TMEM237: variants seen among roughly 807,000 people sequenced by gnomAD.
TMEM237 encodes the protein transmembrane protein 237, also known as amyotrophic lateral sclerosis 2 (juvenile) chromosome region, candidate 4.
A neutral mutation model predicts 59.1 loss-of-function variants in TMEM237; 51 were observed. The observed-to-expected ratio is 0.86, with a 90% confidence interval of 0.69 to 1.09. The LOEUF (loss-of-function observed/expected upper bound fraction) is 1.09. Among genes scored for constraint, TMEM237 ranks in the 50% least tolerant of loss-of-function variants. The probability of loss-of-function intolerance (pLI) is 0.00; values close to 1 mark genes in which losing one functional copy is unlikely to be tolerated. For synonymous variants in TMEM237, 140 were observed against 166.1 expected, an observed-to-expected ratio of 0.84 and a Z score of 1.21; for missense variants, 475 against 478.3, an observed-to-expected ratio of 0.99 and a Z score of 0.06.
rs35942565 is a variant in TMEM237 at position 201,627,080 on chromosome 2, GA to G, written c.1037+240del. On this transcript the variant is annotated intron_variant, in intron 11 of 12. Transcript: ENST00000409883. ...GGGTGACACAGCGAGACTCTATCTCGAAAAAAAAAAAAACTATAACTTGAAG... is the reference window on the plus strand; with the variant it reads ...GGGTGACACAGCGAGACTCTATCTCGAAAAAAAAAAAACTATAACTTGAAG... Among the ~76,000 whole-genome samples, 59,742 of 143,580 alleles carry G rather than the reference GA, an allele frequency of 0.42. 12,253 individuals carry two copies. The highest frequency in any genetic ancestry group is 0.69 in the East Asian group (3,486 of 5,022). The allele number at this position is 143,580 out of a possible 152,430, so 94.2% of individuals were successfully genotyped here.
Position 201,640,264 on chromosome 2 carries a change from G to C in TMEM237, c.76C>G (p.Gln26Glu). ...TATTTACATTAAACTAACTCACCTT[G>C]ACTAACACGTCATATAACACCAAAC... Reference protein sequence around the residue: ...PPRALPPVPSQDDIPLSRPKK... With the variant: ...PPRALPPVPSEDDIPLSRPKK... Residue 26 changes from glutamine (Q) to glutamate (E), a missense_variant and splice_region_variant, in exon 3 of 13, where the codon CAA becomes GAA. By Grantham distance (29) the Gln-to-Glu change is conservative (BLOSUM62 2). Transcript: ENST00000409883. The C allele has an allele frequency of 6.4e-7, 1 of 1,553,390 alleles. No individual in the cohort carries two copies. The highest frequency in any genetic ancestry group is 8.6e-7 in the Non-Finnish European group (1 of 1,160,688).
rs1957710319 is a variant in TMEM237, at chr2:201,621,784, T to A, written c.*2471A>T. On this transcript the variant is annotated 3_prime_UTR_variant, in exon 13 of 13. Transcript: ENST00000409883. Reference sequence around the variant, plus strand: ...TGAGTAATGAGAAACCATGATGCCCTACCAATTGGACTGGATCAGCTTGCA... The same window carrying A: ...TGAGTAATGAGAAACCATGATGCCCAACCAATTGGACTGGATCAGCTTGCA... The A allele has an allele frequency of 6.6e-6, 1 of 152,644 alleles. No individual in the cohort carries two copies. The highest frequency in any genetic ancestry group is 1.5e-5 in the Non-Finnish European group (1 of 68,050). The allele number at this position is 152,644 out of a possible 1,614,324, so 9.5% of individuals were successfully genotyped here. A position where few individuals can be genotyped will look rare whatever the true frequency, so the allele number is the denominator to read the frequency against.
In TMEM237 at chr2:201,629,323, G is replaced by A; in HGVS notation, c.776C>T (p.Ser259Leu). Residue 259 changes from serine to leucine, a missense_variant, in exon 9 of 13, where the codon TCA (serine) becomes TTA (leucine). Physicochemically the swap from Ser to Leu is moderately radical, Grantham distance 145. Transcript: ENST00000409883. ...VLAGDQLSNL[S>L]NLLQQYKTLA... Reference sequence around the variant, plus strand: ...GGTCTTGTATTGTTGCAGAAGGTTTGAGAGGTTGGATAGCTGATCTCCTGC... The same window carrying A: ...GGTCTTGTATTGTTGCAGAAGGTTTAAGAGGTTGGATAGCTGATCTCCTGC... 1 of 1,612,066 alleles carries A rather than the reference G, an allele frequency of 6.2e-7. No homozygotes were observed. The highest frequency in any genetic ancestry group is 1.1e-5 in the South Asian group (1 of 90,546).
At chr2:201,627,618 G>T (rs760387713) in intron 10 of TMEM237, among the ~76,000 whole-genome samples, 1 of 152,044 alleles carries the variant, frequency 6.6e-6, no homozygotes, top group Non-Finnish European at 1.5e-5. Flanking sequence ...CTTTTGAGAC[G>T]TTCACTATTT....
chr2:201,627,975 G>T, intron 10 of TMEM237, 101 bp downstream of exon 10: 1 of 712,660 alleles, frequency 1.4e-6, no homozygotes, highest in Non-Finnish European at 2.3e-6. Context: ...TGTTTATAAG[G>T]AGCAGTAATA....
Position 201,623,950 on chromosome 2 carries a change from C to T in TMEM237, c.*305G>A. 1 of 202,098 alleles carries T rather than the reference C, an allele frequency of 4.9e-6. No individual in the cohort carries two copies. The highest frequency in any genetic ancestry group is 9.9e-6 in the Non-Finnish European group (1 of 101,048). 12.5% of individuals were successfully genotyped at this position (202,098 alleles called of 1,614,324 possible). ...ATTTAAGTTATGGCTTTTTCTAAACCAGTGCTTTTTAAGGTAATAGTTATA... is the reference window on the plus strand; with the variant it reads ...ATTTAAGTTATGGCTTTTTCTAAACTAGTGCTTTTTAAGGTAATAGTTATA... On this transcript the variant is annotated 3_prime_UTR_variant, in exon 13 of 13. Coordinates refer to ENST00000409883, the MANE Select transcript of TMEM237 (RefSeq NM_001044385.3).
intron 9 of TMEM237, 70 bp downstream of exon 9, chr2:201,629,160 G>T (rs2105898876): frequency 6.7e-6 from 8 of 1,198,320 alleles, no homozygotes; most frequent in East Asian, 2.6e-5. Context: ...AAACTATCAT[G>T]GTCAGTGACA....
intron 9 of TMEM237, 22 bp from the exon 10 acceptor site, chr2:201,628,171 T>C: frequency 6.5e-7 from 1 of 1,535,038 alleles, no homozygotes; most frequent in Non-Finnish European, 8.9e-7. Context: ...AAAAGTTTCT[T>C]GTCACAGCGC....
intron 4 of TMEM237, among the ~76,000 whole-genome samples, chr2:201,638,285 C>G (rs936069313): frequency 2.0e-5 from 3 of 152,090 alleles, no homozygotes; most frequent in African/African-American, 7.2e-5. Flanking sequence ...GAGCAGCAAC[C>G]ACAGAAACCT....
At position 201,640,896 on chromosome 2, in the gene TMEM237, G is replaced by A. The variant is rs866945291; in HGVS notation, c.71C>T (p.Pro24Leu). ...LRPPRALPPV[P>L]SQDDIPLSRP... ...AATTACTGTAAATTATTTTTACCTT[G>A]GCACAGGTGGAAGAGCTCGTGGAGG... The change falls in exon 2 of 13, where the codon CCA becomes CTA. Residue 24 changes from proline (P) to leucine (L), a missense_variant. Coordinates refer to ENST00000409883, the MANE Select transcript of TMEM237 (RefSeq NM_001044385.3). 2.5e-6 allele frequency: 4 copies of A among 1,595,744 alleles called. No individual in the cohort carries two copies. Among genetic ancestry groups the A allele is most frequent in the African/African-American group, 1.3e-5 (1 of 74,698 alleles).
chr2:201,642,696 C>A, intron 1 of TMEM237: 2 of 1,589,386 alleles, frequency 1.3e-6, no homozygotes, highest in South Asian at 2.3e-5. Flanking sequence ...CCGGCTCGGT[C>A]GCGCGCGCAG....
intron 5 of TMEM237, 34 bp from the exon 6 acceptor site, chr2:201,633,465 C>G: frequency 6.8e-7 from 1 of 1,466,316 alleles, no homozygotes; most frequent in Non-Finnish European, 9.0e-7. Flanking sequence ...TTTCAAATAA[C>G]TAAAACATAA....
chr2:201,630,805 A>T (rs73989523), intron 7 of TMEM237: 60 of 152,246 alleles, frequency 3.9e-4, no homozygotes, highest in African/African-American at 1.4e-3. Context: ...TTCCACCCTA[A>T]CCAAACTGTG....
In TMEM237 at chr2:201,632,541, G is replaced by A. The variant is rs148839560; in HGVS notation, c.396-333C>T. On this transcript the variant is annotated intron_variant, in intron 6 of 12. Coordinates refer to ENST00000409883, the MANE Select transcript of TMEM237 (RefSeq NM_001044385.3). ...TCTTGAATTGTAATAATCCCCACCT[G>A]TCAAGGGACTGTTCTGGTGATAGTG... is the stretch of plus-strand genomic sequence containing the variant. Among the ~76,000 whole-genome samples the A allele has an allele frequency of 2.6e-5, 4 of 152,292 alleles. No homozygotes were observed. In the East Asian group the frequency reaches 7.7e-4, roughly 29 times the overall value.
At chr2:201,639,144 T>C (rs1687362330) in intron 3 of TMEM237, 99 bp from the exon 4 acceptor site, 1 of 1,128,550 alleles carries the variant, frequency 8.9e-7, no homozygotes, top group Non-Finnish European at 1.3e-6. Context: ...ATTCTCCCTC[T>C]CTTCCCTGGG....
rs1169446605 is a variant in TMEM237 at position 201,626,835 on chromosome 2, A to T, written c.1037+486T>A. Among the ~76,000 whole-genome samples the T allele has an allele frequency of 3.3e-5, 5 of 152,252 alleles. No homozygotes were observed. The South Asian group carries it at 1.0e-3, about 31-fold the overall frequency. Reference sequence around the variant, plus strand: ...AGTGGCTCATGCCTATAATCCCAACAATATGGGAGGCCAAGGCGGGTGGAT... The same window carrying T: ...AGTGGCTCATGCCTATAATCCCAACTATATGGGAGGCCAAGGCGGGTGGAT... On this transcript the variant is annotated intron_variant, in intron 11 of 12. Transcript: ENST00000409883.
rs1437005789 is a variant in TMEM237, at chr2:201,624,129, G to A, written c.*126C>T. ...TTTAACATTTTTCATAATATTGAGA[G>A]ATGTTTCAGTATTATATAATCAAAA... On this transcript the variant is annotated 3_prime_UTR_variant, in exon 13 of 13. Transcript: ENST00000409883. 1.9e-6 allele frequency: 1 copy of A among 529,298 alleles called. No homozygotes were observed. Among genetic ancestry groups the A allele is most frequent in the East Asian group, 3.2e-5 (1 of 30,862 alleles). The allele number at this position is 529,298 out of a possible 1,614,324, so 32.8% of individuals were successfully genotyped here.
chr2:201,642,703 G>T (rs1385989697), intron 1 of TMEM237: 12 of 1,580,536 alleles, frequency 7.6e-6, no homozygotes, highest in Middle Eastern at 1.7e-4. Context: ...GGTCGCGCGC[G>T]CAGGCGCAAT....
At chr2:201,630,894 TC>T in intron 7 of TMEM237, 1 of 152,250 alleles carries the variant, frequency 6.6e-6, no homozygotes, top group African/African-American at 2.4e-5. Context: ...AATGGGATCT[TC>T]TGAAGTAGGG....
Sources: allele counts gnomAD v4.1 joint callset (sites outside exome capture counted in the v4.1 genomes callset), GRCh38; gene constraint gnomAD v4.1.1; transcripts MANE v1.5; gene names NCBI Gene and HGNC (gene_info 2026-07-23, HGNC 2026-07-21).